The following ASS1 variants were observed in gnomAD, a reference collection of about 807,000 sequenced individuals.
ASS1 encodes argininosuccinate synthase.
A neutral mutation model predicts 60.5 loss-of-function variants in ASS1; 58 were observed. That is an observed-to-expected ratio of 0.96 (90% CI 0.78 to 1.19). The LOEUF is 1.19. Among genes scored for constraint, ASS1 ranks in the 50% most tolerant of loss-of-function variants. The pLI, the probability that ASS1 is intolerant of heterozygous loss-of-function variation, is 0.00. For missense variants in ASS1, 454 were observed against 547.3 expected (o/e 0.83, Z 1.70); for synonymous variants, 200 against 206.9 (o/e 0.97, Z 0.29).
At chr9:130,445,298 G>A in intron 1 of ASS1, 1 of 940,528 alleles carries the variant, frequency 1.1e-6, no homozygotes, top group Non-Finnish European at 1.3e-6. Flanking sequence ...CTGCGCAGCC[G>A]GGTCCTTTCT....
chr9:130,493,418 T>C (rs1033218631), intron 12 of ASS1, among the ~76,000 whole-genome samples: 3 of 152,224 alleles, frequency 2.0e-5, no homozygotes, highest in African/African-American at 7.2e-5. Flanking sequence ...GGGAGGTTAA[T>C]CACTTGTCCA....
intron 10 of ASS1, chr9:130,480,031 A>G (rs1317807577): frequency 1.0e-5 from 7 of 699,226 alleles, no homozygotes; most frequent in Non-Finnish European, 1.9e-5. Context: ...CCTGCCTCCA[A>G]GGGATCATTA....
intron 9 of ASS1, among the ~76,000 whole-genome samples, chr9:130,479,055 G>A (rs1224967439): frequency 6.6e-6 from 1 of 152,106 alleles, no homozygotes; most frequent in African/African-American, 2.4e-5. Flanking sequence ...CACACCGCTC[G>A]AGAAAGTGCC....
intron 3 of ASS1, 106 bp from the exon 4 acceptor site, chr9:130,458,295 G>T (rs868854847): frequency 1.6e-6 from 2 of 1,281,430 alleles, no homozygotes; most frequent in Admixed American, 1.7e-5. Flanking sequence ...AGGTACAGCG[G>T]GGGTGGCCCC....
chr9:130,444,942 G>C (rs912742532), upstream of ASS1: 2 of 155,086 alleles, frequency 1.3e-5, no homozygotes, highest in Non-Finnish European at 2.8e-5. The surrounding 1 kb of genome is among the most constrained non-coding windows in gnomAD (Gnocchi z 4.7). Flanking sequence ...TATAACCTGG[G>C]ATGGGCACCC....
At chr9:130,454,462 C>T (rs1043253546) in intron 3 of ASS1, 89 bp downstream of exon 3, 2 of 1,323,942 alleles carry the variant, frequency 1.5e-6, no homozygotes, top group African/African-American at 2.9e-5. Context: ...GGATCCCATC[C>T]CTTCCAGTGT....
Position 130,477,013 on chromosome 9 carries a change from C to A in ASS1, c.688+52C>A, listed in dbSNP as rs1287740754. On this transcript the variant is annotated intron_variant, in intron 9 of 14. Transcript: ENST00000352480. The surrounding 1 kb of genome is among the most constrained non-coding windows in gnomAD (Gnocchi z 4.2). The stretch of plus-strand genomic sequence containing the variant: ...AGGGGGTTGACTTTTGGGGCCCTGG[C>A]TCCTTTCCCCTCCCTGCCTGGGAAC... 5.2e-6 allele frequency: 8 copies of A among 1,543,010 alleles called. No individual in the cohort carries two copies. Among genetic ancestry groups the A allele is most frequent in the African/African-American group, 1.4e-5 (1 of 73,122 alleles).
intron 4 of ASS1, among the ~76,000 whole-genome samples, chr9:130,463,262 G>C (rs1212152506): frequency 6.6e-6 from 1 of 152,256 alleles, no homozygotes; most frequent in African/African-American, 2.4e-5. Context: ...AGCAGGAGAC[G>C]TGCGCGGCCA....
chr9:130,451,234 G>A (rs1453572577), intron 1 of ASS1, among the ~76,000 whole-genome samples: 1 of 152,168 alleles, frequency 6.6e-6, no homozygotes, highest in African/African-American at 2.4e-5. Flanking sequence ...GCGCCTTCGG[G>A]AGGCTTCATT....
At position 130,458,260 on chromosome 9, in the gene ASS1, C is replaced by G. The variant is rs552293573; in HGVS notation, c.175-141C>G. On this transcript the variant is annotated intron_variant, in intron 3 of 14. Coordinates refer to ENST00000352480, the MANE Select transcript of ASS1 (RefSeq NM_054012.4). Reference sequence around the variant, plus strand: ...TGCTGGGATTGATGAATGATGTCTACTACAGATGCAGAAGAAGAAGCACCA... The same window carrying G: ...TGCTGGGATTGATGAATGATGTCTAGTACAGATGCAGAAGAAGAAGCACCA... The G allele has an allele frequency of 1.7e-5, 15 of 877,628 alleles. No individual in the cohort carries two copies. In the African/African-American group the frequency reaches 1.8e-4, roughly 11 times the overall value. 54.4% of individuals were successfully genotyped at this position (877,628 alleles called of 1,614,324 possible).
At position 130,483,620 on chromosome 9, in the gene ASS1, G is replaced by A. The variant is rs186270310; in HGVS notation, c.838+3171G>A. 2.7e-3 allele frequency among the ~76,000 whole-genome samples: 406 copies of A among 152,048 alleles called. 1 individual carries two copies. Among genetic ancestry groups the A allele is most frequent in the African/African-American group, 9.2e-3 (380 of 41,466 alleles). The stretch of plus-strand genomic sequence containing the variant: ...CGAGGGAGGCCGGGAAGGAGCCAGC[G>A]CATGTCCTTGTGCTCAGCCTCTTTC... On this transcript the variant is annotated intron_variant, in intron 11 of 14. Transcript: ENST00000352480.
Position 130,496,702 on chromosome 9 carries a change from GC to G in ASS1, c.1127+1682del, listed in dbSNP as rs138768060. 5.9e-3 allele frequency among the ~76,000 whole-genome samples: 904 copies of G among 152,244 alleles called. 8 individuals are homozygous for G. The highest frequency in any genetic ancestry group is 0.02 in the African/African-American group (818 of 41,552). On this transcript the variant is annotated intron_variant, in intron 13 of 14. Transcript: ENST00000352480. ...GAGGAGCCCCTGGAGGGGCAGGAGGGCCCTGGTGAGCCAGGGCAAAGGTGGC... is the reference window on the plus strand; with the variant it reads ...GAGGAGCCCCTGGAGGGGCAGGAGGGCCTGGTGAGCCAGGGCAAAGGTGGC...
intron 12 of ASS1, among the ~76,000 whole-genome samples, chr9:130,490,704 C>T (rs891887807): frequency 3.9e-5 from 6 of 152,192 alleles, no homozygotes; most frequent in Admixed American, 1.3e-4. Context: ...TTGCCGGGCA[C>T]GGTGGCTCAT....
chr9:130,470,388 G>C lies in ASS1; in HGVS notation c.496-446G>C, dbSNP rs1200621953. On this transcript the variant is annotated intron_variant, in intron 6 of 14. Coordinates refer to ENST00000352480, the MANE Select transcript of ASS1 (RefSeq NM_054012.4). This position sits in a 1 kb window ranked among gnomAD's most constrained non-coding sequence, Gnocchi z 4.3. ...GGGCCATGAGCTAAAAGCTCTCCCT[G>C]CATCCTACCTGTCCTGGGGTCCACA... Among the ~76,000 whole-genome samples the C allele has an allele frequency of 6.6e-6, 1 of 152,178 alleles. No homozygotes were observed.
chr9:130,496,327 G>A (rs920649790), intron 13 of ASS1, among the ~76,000 whole-genome samples: 2 of 151,970 alleles, frequency 1.3e-5, no homozygotes, highest in Admixed American at 6.6e-5. Flanking sequence ...AGGCTGAGGT[G>A]GGAGCGTCTC....
intron 3 of ASS1, among the ~76,000 whole-genome samples, chr9:130,454,980 C>T (rs1845412313): frequency 1.3e-5 from 2 of 150,666 alleles, no homozygotes; most frequent in African/African-American, 4.9e-5. Flanking sequence ...ATCCATCCTC[C>T]GTCCATTCAT....
intron 1 of ASS1, among the ~76,000 whole-genome samples, chr9:130,448,422 G>GCGCGCACACACACACACACACA (rs71387350): frequency 2.0e-4 from 28 of 143,384 alleles, no homozygotes; most frequent in African/African-American, 7.4e-4. Flanking sequence ...GTGTGCGCGC[G>GCGCGCACACACACACACACACA]CACACACACA....
In ASS1 at chr9:130,501,044, G is replaced by C. The variant is rs1846743924; in HGVS notation, c.*23G>C. 1 of 1,604,976 alleles carries C rather than the reference G, an allele frequency of 6.2e-7. No homozygotes were observed. Among genetic ancestry groups the C allele is most frequent in the Non-Finnish European group, 8.5e-7 (1 of 1,174,464 alleles). Reference sequence around the variant, plus strand: ...TAGACCCGTGTACAATGAGGAGCTGGGGCCTCCTCAATTTGCAGATCCCCC... The same window carrying C: ...TAGACCCGTGTACAATGAGGAGCTGCGGCCTCCTCAATTTGCAGATCCCCC... On this transcript the variant is annotated 3_prime_UTR_variant, in exon 15 of 15. Coordinates refer to ENST00000352480, the MANE Select transcript of ASS1 (RefSeq NM_054012.4).
chr9:130,496,779 C>A (rs900715899), intron 13 of ASS1, among the ~76,000 whole-genome samples: 1 of 152,120 alleles, frequency 6.6e-6, no homozygotes, highest in African/African-American at 2.4e-5. Flanking sequence ...GAGTGACCTG[C>A]ACCAAGGGAC....
Sources: gnomAD v4.1 joint callset for allele counts (sites outside exome capture counted in the v4.1 genomes callset) on GRCh38, gnomAD v4.1.1 for gene constraint, Gnocchi (gnomAD v3.1) non-coding constraint, MANE v1.5 for transcripts, NCBI Gene and HGNC (gene_info 2026-07-23, HGNC 2026-07-21) for gene names.